The following BICD2 variants were observed in gnomAD, a reference collection of about 807,000 sequenced individuals.
BICD2 encodes protein bicaudal D homolog 2.
BICD2 carries 25 observed loss-of-function variants against 72.9 expected under a neutral mutation model. The observed-to-expected ratio is 0.34, with a 90% confidence interval of 0.25 to 0.48. BICD2 has a LOEUF of 0.48. Ranked by LOEUF, BICD2 falls within the 20% of genes least tolerant of loss-of-function variation. The pLI, the probability that BICD2 is intolerant of heterozygous loss-of-function variation, is 0.99. For synonymous variants in BICD2, 501 were observed against 516.1 expected (o/e 0.97, Z 0.40); for missense variants, 894 against 1,175.2 (o/e 0.76, Z 3.50).
chr9:92,751,431 A>C (rs1854147865), intron 1 of BICD2, among the ~76,000 whole-genome samples: 1 of 152,180 alleles, frequency 6.6e-6, no homozygotes, highest in Non-Finnish European at 1.5e-5. Flanking sequence ...GGTGTGAGCC[A>C]CTGAGCCCAG....
Position 92,720,721 on chromosome 9 carries a change from C to A in BICD2, c.641G>T (p.Arg214Leu). 6.2e-7 allele frequency: 1 copy of A among 1,614,118 alleles called. No individual in the cohort carries two copies. The highest frequency in any genetic ancestry group is 8.5e-7 in the Non-Finnish European group (1 of 1,180,012). Residue 214 changes from arginine to leucine, a missense_variant, in exon 4 of 7, where the codon CGT (arginine) becomes CTT (leucine). Coordinates refer to ENST00000356884, the MANE Select transcript of BICD2 (RefSeq NM_001003800.2). This position sits in a 1 kb window ranked among gnomAD's most constrained non-coding sequence, Gnocchi z 5.4. ...EFEGLKHEIKRLEEETEYLNS... is the reference protein window; with the variant it reads ...EFEGLKHEIKLLEEETEYLNS... ...GAGGTACTCGGTCTCCTCCTCCAGA[C>A]GCTTGATCTCATGCTTGAGGCCCTC...
In BICD2 at chr9:92,711,767, T is replaced by C. The variant is rs1397164395; in HGVS notation, c.*3387A>G. ...TCAACACTGTAACGGAAGGTAAAAATAGGAGTCCCTACAACTAGGAATAAG... is the reference window on the plus strand; with the variant it reads ...TCAACACTGTAACGGAAGGTAAAAACAGGAGTCCCTACAACTAGGAATAAG... On this transcript the variant is annotated 3_prime_UTR_variant, in exon 7 of 7. Transcript: ENST00000356884. 2 of 152,494 alleles carry C rather than the reference T, an allele frequency of 1.3e-5. No individual in the cohort carries two copies. Among genetic ancestry groups the C allele is most frequent in the Non-Finnish European group, 2.9e-5 (2 of 68,008 alleles). 9.4% of individuals were successfully genotyped at this position (152,494 alleles called of 1,614,324 possible).
intron 4 of BICD2, 86 bp from the exon 5 acceptor site, chr9:92,719,668 C>G: frequency 7.2e-7 from 1 of 1,387,424 alleles, no homozygotes; most frequent in East Asian, 2.5e-5. Context: ...CTAGTGACAT[C>G]CCACCCCATG....
In BICD2 at chr9:92,714,019, G is replaced by A; in HGVS notation, c.*1135C>T. 1 of 986,728 alleles carries A rather than the reference G, an allele frequency of 1.0e-6. No homozygotes were observed. The allele number at this position is 986,728 out of a possible 1,614,324, so 61.1% of individuals were successfully genotyped here. A position where few individuals can be genotyped will look rare whatever the true frequency, so the allele number is the denominator to read the frequency against. On this transcript the variant is annotated 3_prime_UTR_variant, in exon 7 of 7. Coordinates refer to ENST00000356884, the MANE Select transcript of BICD2 (RefSeq NM_001003800.2). ...AAAAGTTCTGCTCAGAATGTGGGAA[G>A]GCAGGTGTGGATGGAGCCTCTGGAA...
At position 92,715,411 on chromosome 9, in the gene BICD2, C is replaced by T. The variant is rs370894046; in HGVS notation, c.2311G>A (p.Ala771Thr). The T allele has an allele frequency of 1.2e-6, 2 of 1,604,774 alleles. No homozygotes were observed. Among genetic ancestry groups the T allele is most frequent in the Non-Finnish European group, 8.5e-7 (1 of 1,173,140 alleles). Residue 771 changes from alanine to threonine, a missense_variant, in exon 7 of 7, where the codon GCT becomes ACT. Ala to Thr is a moderately conservative substitution (Grantham distance 58). Coordinates refer to ENST00000356884, the MANE Select transcript of BICD2 (RefSeq NM_001003800.2). The stretch of plus-strand genomic sequence containing the variant: ...TTCAGCGTCTTCTTCTCGTCCTCAG[C>T]AGCCGCCAGCTGCCGCTGCATCTCA... ...LDEMQRQLAA[A>T]EDEKKTLNSL...
chr9:92,727,811 C>G (rs1268317574), intron 2 of BICD2, among the ~76,000 whole-genome samples: 1 of 152,218 alleles, frequency 6.6e-6, no homozygotes, highest in Non-Finnish European at 1.5e-5. Context: ...CCCACCCAGG[C>G]CTGCAGGACT....
intron 1 of BICD2, among the ~76,000 whole-genome samples, chr9:92,762,327 C>T (rs1260987076): frequency 6.6e-6 from 1 of 152,088 alleles, no homozygotes; most frequent in East Asian, 1.9e-4. Context: ...GTGTGAGGAA[C>T]ACGCATGCTG....
intron 1 of BICD2, among the ~76,000 whole-genome samples, chr9:92,744,230 C>T (rs1853959147): frequency 6.6e-6 from 1 of 152,188 alleles, no homozygotes; most frequent in African/African-American, 2.4e-5. Context: ...CAATAACCTA[C>T]AAATACAAGC....
intron 1 of BICD2, among the ~76,000 whole-genome samples, chr9:92,749,035 A>C (rs1854086921): frequency 6.6e-6 from 1 of 152,040 alleles, no homozygotes; most frequent in Non-Finnish European, 1.5e-5. Flanking sequence ...TTGGTCCCTG[A>C]GGAACTCAGA....
rs1365406434 is a variant in BICD2 at position 92,723,533 on chromosome 9, T to C, written c.454-725A>G. Among the ~76,000 whole-genome samples, 3 of 152,200 alleles carry C rather than the reference T, an allele frequency of 2.0e-5. No individual in the cohort carries two copies. The East Asian group carries it at 5.8e-4, about 29-fold the overall frequency. On this transcript the variant is annotated intron_variant, in intron 2 of 6. Transcript: ENST00000356884. ...TAGGCAAATTCATAGAGACACAAAGTAGGTTAGTGGCTGCCAGGAGCTGGG... is the reference window on the plus strand; with the variant it reads ...TAGGCAAATTCATAGAGACACAAAGCAGGTTAGTGGCTGCCAGGAGCTGGG...
chr9:92,729,382 G>A (rs1457550689), intron 1 of BICD2, 146 bp from the exon 2 acceptor site: 23 of 830,510 alleles, frequency 2.8e-5, no homozygotes, highest in East Asian at 1.3e-4. Context: ...CCTGACCTGG[G>A]AGGTGCATCT....
At chr9:92,749,411 G>C (rs1275539552) in intron 1 of BICD2, among the ~76,000 whole-genome samples, 1 of 152,288 alleles carries the variant, frequency 6.6e-6, no homozygotes, top group East Asian at 1.9e-4. Context: ...TGGATGCGGG[G>C]ATCGCTAGGA....
intron 1 of BICD2, among the ~76,000 whole-genome samples, chr9:92,743,945 C>G (rs1241646112): frequency 6.6e-6 from 1 of 152,184 alleles, no homozygotes; most frequent in Non-Finnish European, 1.5e-5. Flanking sequence ...CTGTGACATA[C>G]TGATCAGAAT....
chr9:92,764,659 A>C lies in BICD2; in HGVS notation c.86T>G (p.Leu29Arg). 6.3e-7 allele frequency: 1 copy of C among 1,591,784 alleles called. No homozygotes were observed. Among genetic ancestry groups the C allele is most frequent in the Admixed American group, 1.7e-5 (1 of 57,344 alleles). Reference protein sequence around the residue: ...PEWLRAEVKRLSHELAETTRE... With the variant: ...PEWLRAEVKRRSHELAETTRE... Reference sequence around the variant, plus strand: ...CGTGGTCTCGGCCAGCTCGTGGGACAGCCGCTTCACCTCGGCGCGCAGCCA... The same window carrying C: ...CGTGGTCTCGGCCAGCTCGTGGGACCGCCGCTTCACCTCGGCGCGCAGCCA... Residue 29 changes from leucine to arginine, a missense_variant, in exon 1 of 7, where the codon CTG becomes CGG. Coordinates refer to ENST00000356884, the MANE Select transcript of BICD2 (RefSeq NM_001003800.2). The surrounding 1 kb of genome is among the most constrained non-coding windows in gnomAD (Gnocchi z 5.5).
In BICD2 at chr9:92,720,610, C is replaced by T. The variant is rs533199924; in HGVS notation, c.752G>A (p.Arg251His). 8.2e-5 allele frequency: 132 copies of T among 1,614,172 alleles called. 2 individuals are homozygous for T. The South Asian group carries it at 1.3e-3, about 15-fold the overall frequency. ...EEALETLKTE[R>H]EQKNSLRKEL... ...CTTGCGCAGGCTGTTCTTCTGTTCG[C>T]GCTCCGTCTTCAGGGTCTCCAGCGC... Residue 251 changes from arginine to histidine, a missense_variant, in exon 4 of 7, where the codon CGC becomes CAC. By Grantham distance (29) the Arg-to-His change is conservative. Transcript: ENST00000356884. This position sits in a 1 kb window ranked among gnomAD's most constrained non-coding sequence, Gnocchi z 5.4.
intron 1 of BICD2, among the ~76,000 whole-genome samples, chr9:92,761,357 C>T (rs1013760009): frequency 5.3e-5 from 8 of 152,216 alleles, no homozygotes; most frequent in Admixed American, 2.0e-4. Flanking sequence ...GAAGCACTTG[C>T]TGCGTGTTGG....
rs1172676339 is a variant in BICD2, at chr9:92,718,848, A to G, written c.1797T>C (p.Asp599=). The change falls in exon 5 of 7, where the codon GAT becomes GAC. Residue 599 remains aspartate (D), a synonymous_variant. Coordinates refer to ENST00000356884, the MANE Select transcript of BICD2 (RefSeq NM_001003800.2). The stretch of plus-strand genomic sequence containing the variant: ...AGGGGCTGCTGTCCCCCGTCCCACC[A>G]TCTGCTCGGCCCGCCTCAGGAGCCA... ...GLLAPEAGRA[D]GGTGDSSPSP... 1.9e-6 allele frequency: 3 copies of G among 1,605,020 alleles called. No individual in the cohort carries two copies. In the African/African-American group the frequency reaches 4.0e-5, roughly 21 times the overall value.
intron 1 of BICD2, among the ~76,000 whole-genome samples, chr9:92,739,332 TC>T (rs1204390840): frequency 6.6e-6 from 1 of 152,138 alleles, no homozygotes; most frequent in East Asian, 1.9e-4. Context: ...CTATCAGGCC[TC>T]CCAAGACCCA....
chr9:92,764,478 G>A lies in BICD2; in HGVS notation c.240+27C>T, dbSNP rs1409267580. Reference sequence around the variant, plus strand: ...CCACAGGCCCCGGCGCCGGGCGGGGGTCGCAGGGCAGGGCGGCTCGGCTCA... The same window carrying A: ...CCACAGGCCCCGGCGCCGGGCGGGGATCGCAGGGCAGGGCGGCTCGGCTCA... On this transcript the variant is annotated intron_variant, in intron 1 of 6. Transcript: ENST00000356884. This position sits in a 1 kb window ranked among gnomAD's most constrained non-coding sequence, Gnocchi z 5.5. The A allele has an allele frequency of 1.4e-5, 21 of 1,466,966 alleles. No individual in the cohort carries two copies. In the Admixed American group the frequency reaches 2.6e-4, roughly 18 times the overall value. 90.9% of individuals were successfully genotyped at this position (1,466,966 alleles called of 1,614,324 possible).
Sources: allele counts gnomAD v4.1 joint callset (sites outside exome capture counted in the v4.1 genomes callset), GRCh38; gene constraint gnomAD v4.1.1; non-coding constraint Gnocchi (gnomAD v3.1); transcripts MANE v1.5; gene names NCBI Gene and HGNC (gene_info 2026-07-23, HGNC 2026-07-21).